The following PRIM2 variants were observed in gnomAD, a reference collection of about 807,000 sequenced individuals.
PRIM2 encodes the protein DNA primase large subunit.
Under a neutral mutation model 67.3 loss-of-function variants are expected in PRIM2, and 39 were observed. The ratio of observed to expected loss-of-function variants is 0.58; its 90% confidence interval spans 0.45 to 0.76. PRIM2 has a LOEUF of 0.76. Among genes scored for constraint, PRIM2 ranks in the 30% least tolerant of loss-of-function variants. The pLI is 0.00. For missense variants in PRIM2, 398 were observed against 598.7 expected, an observed-to-expected ratio of 0.66 and a Z score of 3.50; for synonymous variants, 143 against 198.7, an observed-to-expected ratio of 0.72 and a Z score of 2.36.
At chr6:57,627,070 C>T (rs1399930031) in intron 12 of PRIM2, among the ~76,000 whole-genome samples, 23 of 151,200 alleles carry the variant, frequency 1.5e-4, no homozygotes, top group Admixed American at 1.2e-3. Flanking sequence ...TGCTTGAGGC[C>T]AGGAGTTTAA....
Position 57,452,007 on chromosome 6 carries a change from C to T in PRIM2, c.694-55380C>T, listed in dbSNP as rs1346088639. ...TCCATGTGTTCTCATTGTTCAGTTC[C>T]CACCTATGAGTGAGAACATGCGGTG... On this transcript the variant is annotated intron_variant, in intron 7 of 13. Transcript: ENST00000615550. Among the ~76,000 whole-genome samples the T allele has an allele frequency of 1.2e-3, 187 of 150,088 alleles. 5 individuals carry two copies. In the East Asian group the frequency reaches 0.016, roughly 13 times the overall value.
chr6:57,240,116 T>TA, the PRIM2 span, among the ~76,000 whole-genome samples: 2 of 77,338 alleles, frequency 2.6e-5, no homozygotes, highest in Non-Finnish European at 2.7e-5. Flanking sequence ...TTTTTTTTTT[T>TA]GAGACGGAGT....
chr6:57,539,722 G>A (rs1775103296), intron 10 of PRIM2, among the ~76,000 whole-genome samples: 2 of 151,126 alleles, frequency 1.3e-5, no homozygotes, highest in Admixed American at 6.6e-5. Flanking sequence ...AGCTGGGCAG[G>A]TTGGCTCATG....
rs1158722297 is a variant in PRIM2, at chr6:57,627,279, C to CAAAAAAAA, written c.1231-4832_1231-4825dup. ...TGGGTGACAGAGTGAGACTCTGTCT[C>CAAAAAAAA]AAAAAAAAAAAAAAAAAAAAAAAAA... On this transcript the variant is annotated intron_variant, in intron 12 of 13. Transcript: ENST00000615550. 3.9e-3 allele frequency among the ~76,000 whole-genome samples: 96 copies of CAAAAAAAA among 24,532 alleles called. 13 individuals carry two copies. The highest frequency in any genetic ancestry group is 8.0e-3 in the African/African-American group (69 of 8,672). The allele number at this position is 24,532 out of a possible 152,430, so 16.1% of individuals were successfully genotyped here. A position where few individuals can be genotyped will look rare whatever the true frequency, so the allele number is the denominator to read the frequency against.
At chr6:57,492,227 T>A (rs1181986538) in intron 7 of PRIM2, among the ~76,000 whole-genome samples, 1 of 152,124 alleles carries the variant, frequency 6.6e-6, no homozygotes, top group Middle Eastern at 3.2e-3. Context: ...CGGACAGAAG[T>A]CTGTCCAATA....
At chr6:57,322,190 T>C (rs1767683816) in intron 3 of PRIM2, among the ~76,000 whole-genome samples, 1 of 152,178 alleles carries the variant, frequency 6.6e-6, no homozygotes, top group Non-Finnish European at 1.5e-5. Context: ...TGTACATATA[T>C]GACAGGAGAT....
chr6:57,430,553 T>A (rs78552113), intron 7 of PRIM2, among the ~76,000 whole-genome samples: 2,646 of 145,550 alleles, frequency 0.018, 80 homozygotes, highest in African/African-American at 0.061. Context: ...TCCCAGGTAC[T>A]AGTGATTCTC....
At chr6:57,508,810 A>G (rs1774300563) in intron 8 of PRIM2, among the ~76,000 whole-genome samples, 1 of 152,154 alleles carries the variant, frequency 6.6e-6, no homozygotes, top group South Asian at 2.1e-4. Context: ...TTGCTCACTT[A>G]TTGATAGCAT....
At chr6:57,423,318 A>G (rs1771521698) in intron 7 of PRIM2, among the ~76,000 whole-genome samples, 1 of 152,168 alleles carries the variant, frequency 6.6e-6, no homozygotes, top group Admixed American at 6.5e-5. Flanking sequence ...AAAGAAGCAT[A>G]TATATAATTT....
chr6:57,598,080 A>G (rs1776400065), intron 10 of PRIM2, among the ~76,000 whole-genome samples: 1 of 152,164 alleles, frequency 6.6e-6, no homozygotes, highest in South Asian at 2.1e-4. Flanking sequence ...AGAACCTTGA[A>G]GATTTTGCCC....
chr6:57,508,094 G>A (rs1178792488), intron 8 of PRIM2, among the ~76,000 whole-genome samples: 10 of 152,098 alleles, frequency 6.6e-5, no homozygotes, highest in South Asian at 4.1e-4. Context: ...GGGGCACCTC[G>A]CCTGTTTCAT....
At chr6:57,332,901 C>T (rs1763934983) in intron 5 of PRIM2, among the ~76,000 whole-genome samples, 1 of 151,850 alleles carries the variant, frequency 6.6e-6, no homozygotes, top group Non-Finnish European at 1.5e-5. Flanking sequence ...TTTCCGTGTG[C>T]CATCTATGTG....
intron 7 of PRIM2, among the ~76,000 whole-genome samples, chr6:57,394,800 G>A (rs191788055): frequency 1.3e-5 from 2 of 152,102 alleles, no homozygotes; most frequent in African/African-American, 4.8e-5. Context: ...CTGTGGGTTT[G>A]TCATAGATGG....
chr6:57,293,080 A>C, the PRIM2 span, among the ~76,000 whole-genome samples: 1 of 152,220 alleles, frequency 6.6e-6, no homozygotes, highest in Admixed American at 6.5e-5. Flanking sequence ...AAATTTTTGC[A>C]ATCTACCCAT....
At chr6:57,502,926 C>A (rs1369916192) in intron 7 of PRIM2, among the ~76,000 whole-genome samples, 1 of 152,122 alleles carries the variant, frequency 6.6e-6, no homozygotes, top group African/African-American at 2.4e-5. Flanking sequence ...TTGGATATTC[C>A]ATTTAGCTGG....
chr6:57,429,239 G>A (rs1771739941), intron 7 of PRIM2, among the ~76,000 whole-genome samples: 1 of 152,180 alleles, frequency 6.6e-6, no homozygotes, highest in African/African-American at 2.4e-5. Flanking sequence ...AGGACAAGTG[G>A]ATATTTATAG....
intron 11 of PRIM2, among the ~76,000 whole-genome samples, chr6:57,603,023 A>T (rs1281909498): frequency 6.6e-6 from 1 of 152,106 alleles, no homozygotes; most frequent in African/African-American, 2.4e-5. Context: ...TTATCATCCA[A>T]AGCCCATAGT....
At chr6:57,609,475 A>G (rs1304165754) in intron 12 of PRIM2, among the ~76,000 whole-genome samples, 3 of 152,246 alleles carry the variant, frequency 2.0e-5, no homozygotes, top group Admixed American at 1.3e-4. Context: ...TCTAGAAGAA[A>G]TTAGAGGCAT....
At chr6:57,241,362 T>G in the PRIM2 span, among the ~76,000 whole-genome samples, 1 of 151,936 alleles carries the variant, frequency 6.6e-6, no homozygotes, top group African/African-American at 2.4e-5. Flanking sequence ...TGAGCTATGA[T>G]CACATCACTG....
Sources: allele counts gnomAD v4.1 joint callset (sites outside exome capture counted in the v4.1 genomes callset), GRCh38; gene constraint gnomAD v4.1.1; transcripts MANE v1.5; gene names NCBI Gene and HGNC (gene_info 2026-07-23, HGNC 2026-07-21).